Variants in TRMT9B observed in about 807,000 individuals in gnomAD.
The protein encoded by TRMT9B is tRNA methyltransferase 9B (putative).
Under a neutral mutation model 11.5 loss-of-function variants are expected in TRMT9B, and 16 were observed. That is an observed-to-expected ratio of 1.39 (90% CI 0.94 to 2.11). TRMT9B has a LOEUF of 2.11. TRMT9B is among the 30% of genes most tolerant of loss of function. The pLI, the probability that TRMT9B is intolerant of heterozygous loss-of-function variation, is 0.00. For synonymous variants in TRMT9B, 274 were observed against 192.4 expected (o/e 1.42, Z -3.51); for missense variants, 941 against 553.8 (o/e 1.70, Z -7.02).
rs1376232658 is a variant in TRMT9B, at chr8:13,021,543, A to G, written c.864A>G (p.Arg288=). 2 of 1,613,896 alleles carry G rather than the reference A, an allele frequency of 1.2e-6. No individual in the cohort carries two copies. Among genetic ancestry groups the G allele is most frequent in the African/African-American group, 1.3e-5 (1 of 75,048 alleles). ...GCACTGTAACAGTCCAGCCTTCCAG[A>G]CACTCTAGTTTAGACTTTGATCACC... The part of the protein sequence containing the change: ...ASSTVTVQPS[R]HSSLDFDHQE... Residue 288 remains arginine, a synonymous_variant, in exon 5 of 5, where the codon AGA becomes AGG. Coordinates refer to ENST00000524591, the MANE Select transcript of TRMT9B (RefSeq NM_020844.3).
rs1172852860 is a variant in TRMT9B at position 13,011,336 on chromosome 8, A to G, written c.155-1348A>G. 3 of 985,226 alleles carry G rather than the reference A, an allele frequency of 3.0e-6. No homozygotes were observed. In the African/African-American group the frequency reaches 5.2e-5, roughly 17 times the overall value. 61.0% of individuals were successfully genotyped at this position (985,226 alleles called of 1,614,324 possible). A position where few individuals can be genotyped will look rare whatever the true frequency, so the allele number is the denominator to read the frequency against. ...TTCTCCACTGTCTCAGCTGGCATTA[A>G]TGAATCTTAAGTTTGCTTTTACTGT... On this transcript the variant is annotated intron_variant, in intron 3 of 4. Transcript: ENST00000524591.
intron 3 of TRMT9B, among the ~76,000 whole-genome samples, chr8:13,008,355 T>C (rs1810893430): frequency 6.6e-6 from 1 of 152,088 alleles, no homozygotes; most frequent in Non-Finnish European, 1.5e-5. Context: ...ACTGTACAAA[T>C]GGAGAAATTG....
rs1813722613 is a variant in TRMT9B at position 13,020,993 on chromosome 8, T to C, written c.329-15T>C. ...TGTGTGCATACACACTGAGATCTAG[T>C]TTTGTCTTTTTCAGTCATACATCAT... On this transcript the variant is annotated splice_polypyrimidine_tract_variant and intron_variant, in intron 4 of 4. Coordinates refer to ENST00000524591, the MANE Select transcript of TRMT9B (RefSeq NM_020844.3). 5 of 1,502,946 alleles carry C rather than the reference T, an allele frequency of 3.3e-6. No homozygotes were observed. Among genetic ancestry groups the C allele is most frequent in the Non-Finnish European group, 4.5e-6 (5 of 1,119,474 alleles). 93.1% of individuals were successfully genotyped at this position (1,502,946 alleles called of 1,614,324 possible). A position where few individuals can be genotyped will look rare whatever the true frequency, so the allele number is the denominator to read the frequency against.
At chr8:12,967,627 A>G (rs1049733689) in intron 1 of TRMT9B, among the ~76,000 whole-genome samples, 2 of 152,140 alleles carry the variant, frequency 1.3e-5, no homozygotes, top group Non-Finnish European at 1.5e-5. Flanking sequence ...GCAGCTCATT[A>G]ACAATGGCAA....
At chr8:13,002,288 AG>A (rs1809587091) in intron 2 of TRMT9B, among the ~76,000 whole-genome samples, 1 of 152,212 alleles carries the variant, frequency 6.6e-6, no homozygotes, top group Non-Finnish European at 1.5e-5. Flanking sequence ...AGTGCAACAA[AG>A]AAAAACTTGC....
chr8:13,029,693 A>G lies in TRMT9B; in HGVS notation c.*7649A>G, dbSNP rs1415437906. 1 of 154,104 alleles carries G rather than the reference A, an allele frequency of 6.5e-6. No homozygotes were observed. Among genetic ancestry groups the G allele is most frequent in the Non-Finnish European group, 1.5e-5 (1 of 68,050 alleles). 9.5% of individuals were successfully genotyped at this position (154,104 alleles called of 1,614,324 possible). A position where few individuals can be genotyped will look rare whatever the true frequency, so the allele number is the denominator to read the frequency against. On this transcript the variant is annotated 3_prime_UTR_variant, in exon 5 of 5. Coordinates refer to ENST00000524591, the MANE Select transcript of TRMT9B (RefSeq NM_020844.3). ...AGCAAAATTAACCTTTTAATAATAG[A>G]TTATCTTTAATGGTTATTAAAAGAA...
chr8:13,020,960 G>C, intron 4 of TRMT9B, 48 bp from the exon 5 acceptor site: 1 of 1,289,504 alleles, frequency 7.8e-7, no homozygotes, highest in Non-Finnish European at 1.1e-6. Flanking sequence ...TACGTGTGTG[G>C]GTTTATGTGT....
rs1305993207 is a variant in TRMT9B, at chr8:13,028,498, TGAA to T, written c.*6459_*6461del. 6.0e-6 allele frequency: 1 copy of T among 166,868 alleles called. No individual in the cohort carries two copies. Among genetic ancestry groups the T allele is most frequent in the Non-Finnish European group, 1.5e-5 (1 of 68,078 alleles). 10.3% of individuals were successfully genotyped at this position (166,868 alleles called of 1,614,324 possible). A position where few individuals can be genotyped will look rare whatever the true frequency, so the allele number is the denominator to read the frequency against. Reference sequence around the variant, plus strand: ...CAGTGTACCTTGATGTTGAATTCCCTGAAGAAGGTACAATTATATTTACATTCC... The same window carrying T: ...CAGTGTACCTTGATGTTGAATTCCCTGAAGGTACAATTATATTTACATTCC... On this transcript the variant is annotated 3_prime_UTR_variant, in exon 5 of 5. Coordinates refer to ENST00000524591, the MANE Select transcript of TRMT9B (RefSeq NM_020844.3).
intron 4 of TRMT9B, among the ~76,000 whole-genome samples, chr8:13,020,026 A>T (rs1813519275): frequency 6.6e-6 from 1 of 152,202 alleles, no homozygotes; most frequent in South Asian, 2.1e-4. Flanking sequence ...ATCTGTACAC[A>T]ACCCCATTTT....
intron 1 of TRMT9B, among the ~76,000 whole-genome samples, chr8:12,984,051 A>G (rs1037977200): frequency 1.3e-5 from 2 of 152,194 alleles, no homozygotes; most frequent in African/African-American, 4.8e-5. Context: ...ACAACCGCAG[A>G]TTGTCCACAT....
chr8:12,986,931 A>C (rs530510187), intron 1 of TRMT9B, among the ~76,000 whole-genome samples: 7 of 152,312 alleles, frequency 4.6e-5, no homozygotes, highest in African/African-American at 1.7e-4. Context: ...AGTCTACACT[A>C]CTGCCAGAGG....
At chr8:12,966,101 G>A (rs1802778172) in intron 1 of TRMT9B, among the ~76,000 whole-genome samples, 1 of 147,344 alleles carries the variant, frequency 6.8e-6, no homozygotes, top group South Asian at 2.2e-4. Flanking sequence ...CAAGGTAGAA[G>A]GATCACTTGA....
At chr8:13,004,259 GTCC>G (rs746350801) in intron 2 of TRMT9B, among the ~76,000 whole-genome samples, 72 of 151,910 alleles carry the variant, frequency 4.7e-4, no homozygotes, top group Non-Finnish European at 9.6e-4. Flanking sequence ...TCCTAGGTGA[GTCC>G]TCCTGCTGAA....
At chr8:12,989,155 C>G (rs147989378) in intron 1 of TRMT9B, among the ~76,000 whole-genome samples, 1 of 152,082 alleles carries the variant, frequency 6.6e-6, no homozygotes, top group Non-Finnish European at 1.5e-5. Context: ...GGAAAATACA[C>G]GCATGGCTTA....
Position 12,978,218 on chromosome 8 carries a change from G to A in TRMT9B, c.-199-12616G>A, listed in dbSNP as rs1563347262. Among the ~76,000 whole-genome samples the A allele has an allele frequency of 2.6e-5, 4 of 152,136 alleles. No individual in the cohort carries two copies. The South Asian group carries it at 6.2e-4, about 24-fold the overall frequency. On this transcript the variant is annotated intron_variant, in intron 1 of 4. Transcript: ENST00000524591. ...CTTCCTGCTCATCATCAAACACTTC[G>A]ATTTATCATCAAGCTCCTTGGCTGA...
At chr8:12,947,554 C>A (rs1162486436) in intron 1 of TRMT9B, among the ~76,000 whole-genome samples, 1 of 152,202 alleles carries the variant, frequency 6.6e-6, no homozygotes, top group East Asian at 1.9e-4. Context: ...GAAATGGTGA[C>A]ATAAGCATCA....
At chr8:13,012,954 G>T in intron 4 of TRMT9B, 97 bp downstream of exon 4, 1 of 1,335,938 alleles carries the variant, frequency 7.5e-7, no homozygotes, top group South Asian at 2.1e-5. Flanking sequence ...GTGTAGAAAT[G>T]TCAATGTAAT....
chr8:13,012,973 T>C (rs1479363593), intron 4 of TRMT9B, 116 bp downstream of exon 4: 4 of 1,265,224 alleles, frequency 3.2e-6, no homozygotes, highest in Non-Finnish European at 4.1e-6. Flanking sequence ...ATTTATTTTA[T>C]CTAATTTAAA....
intron 1 of TRMT9B, among the ~76,000 whole-genome samples, chr8:12,987,206 A>C (rs1231960789): frequency 2.0e-5 from 3 of 152,212 alleles, no homozygotes; most frequent in Non-Finnish European, 4.4e-5. Context: ...AAAGTCACTT[A>C]GGTCCTCCTT....
Sources: allele counts gnomAD v4.1 joint callset (sites outside exome capture counted in the v4.1 genomes callset), GRCh38; gene constraint gnomAD v4.1.1; transcripts MANE v1.5; gene names NCBI Gene and HGNC (gene_info 2026-07-23, HGNC 2026-07-21).